Variants in MIB2 observed in about 807,000 individuals in gnomAD.
MIB2 encodes MIB E3 ubiquitin protein ligase 2, also known as E3 ubiquitin-protein ligase MIB2.
In MIB2, 78 loss-of-function variants were observed where a neutral mutation model predicts 96.6. The observed-to-expected ratio is 0.81, with a 90% confidence interval of 0.67 to 0.97. The LOEUF (loss-of-function observed/expected upper bound fraction) is 0.97, where lower values mean the gene tolerates loss of function less well. Ranked by LOEUF, MIB2 falls within the 50% of genes least tolerant of loss-of-function variation. The probability of loss-of-function intolerance (pLI) is 0.00; values close to 1 mark genes in which losing one functional copy is unlikely to be tolerated. For missense variants in MIB2, 1,543 were observed against 1,424.0 expected (o/e 1.08, Z -1.35); for synonymous variants, 820 against 629.5 (o/e 1.30, Z -4.53).
At chr1:1,629,920 C>T (rs1169376383) in intron 19 of MIB2, among the ~76,000 whole-genome samples, 5 of 146,286 alleles carry the variant, frequency 3.4e-5, no homozygotes, top group Admixed American at 6.8e-5. Context: ...AAGGTAACAC[C>T]CTCCTCCCCC....
In MIB2 at chr1:1,626,846, C is replaced by T. The variant is rs549282813; in HGVS notation, c.1087C>T (p.Arg363Cys). ...CCTCCCCTCCCCGCAGGCCCTGGGC[C>T]GCGTCGGGAAGGTGGTGAAAGTGTT... is the stretch of plus-strand genomic sequence containing the variant. ...WTDDMAPALG[R>C]VGKVVKVFGD... The change falls in exon 10 of 20, where the codon CGC (arginine) becomes TGC (cysteine). Residue 363 changes from arginine to cysteine, a missense_variant. Physicochemically the swap from Arg to Cys is radical, Grantham distance 180. Transcript: ENST00000355826. This position sits in a 1 kb window ranked among gnomAD's most constrained non-coding sequence, Gnocchi z 5.3. 3.4e-5 allele frequency: 55 copies of T among 1,602,214 alleles called. No individual in the cohort carries two copies. The South Asian group carries it at 3.8e-4, about 11-fold the overall frequency.
At position 1,628,318 on chromosome 1, in the gene MIB2, CAAG is replaced by C. The variant is rs779304407; in HGVS notation, c.1891_1893del (p.Lys631del). On this transcript the variant is annotated inframe_deletion, in exon 15 of 20. Coordinates refer to ENST00000355826, the MANE Select transcript of MIB2 (RefSeq NM_001170687.4). ...CTCGGGCGCGGCAGCTGGTGGACGCCAAGAAGGAGGACGGCTTCACGGCGCTGC... is the reference window on the plus strand; with the variant it reads ...CTCGGGCGCGGCAGCTGGTGGACGCCAAGGAGGACGGCTTCACGGCGCTGC... 6.8e-6 allele frequency: 11 copies of C among 1,612,898 alleles called. No individual in the cohort carries two copies. The highest frequency in any genetic ancestry group is 1.7e-5 in the Admixed American group (1 of 60,016).
chr1:1,623,634 G>T lies in MIB2; in HGVS notation c.182G>T (p.Arg61Leu). The T allele has an allele frequency of 3.4e-6, 5 of 1,479,628 alleles. No homozygotes were observed. Among genetic ancestry groups the T allele is most frequent in the Non-Finnish European group, 2.7e-6 (3 of 1,113,112 alleles). The allele number at this position is 1,479,628 out of a possible 1,614,324, so 91.7% of individuals were successfully genotyped here. A position where few individuals can be genotyped will look rare whatever the true frequency, so the allele number is the denominator to read the frequency against. Residue 61 changes from arginine to leucine, a missense_variant, in exon 3 of 20, where the codon CGC becomes CTC. Coordinates refer to ENST00000355826, the MANE Select transcript of MIB2 (RefSeq NM_001170687.4). ...GTCGTGCAGTGGGACCAGGGCACGC[G>T]CACCAACTACCGCGCCGGCTACCAG... ...TVVVQWDQGT[R>L]TNYRAGYQGA...
chr1:1,614,897 C>T (rs1557538676), upstream of MIB2: 2 of 153,068 alleles, frequency 1.3e-5, no homozygotes, highest in East Asian at 1.9e-4. Context: ...TGCCTGTAGT[C>T]CCAGCTGCTC....
intron 2 of MIB2, among the ~76,000 whole-genome samples, chr1:1,620,541 G>A (rs1338900060): frequency 2.7e-5 from 4 of 148,576 alleles, no homozygotes; most frequent in African/African-American, 9.9e-5. Context: ...ATCTGGTGGA[G>A]GTGGACGGCC....
chr1:1,613,834 G>A (rs180688280), upstream of MIB2: 3 of 152,370 alleles, frequency 2.0e-5, no homozygotes, highest in East Asian at 5.8e-4. Context: ...TGAGTCTCAA[G>A]GATGAGAGCA....
At chr1:1,615,450 G>A (rs539969269), upstream of MIB2, 3 of 1,511,906 alleles carry the variant, frequency 2.0e-6, no homozygotes, top group South Asian at 2.5e-5. Flanking sequence ...CCCGTGGCGG[G>A]GGCGTGGCCA....
rs1171987837 is a variant in MIB2, at chr1:1,623,671, C to T, written c.219C>T (p.Asp73=). 1 of 1,490,040 alleles carries T rather than the reference C, an allele frequency of 6.7e-7. No homozygotes were observed. Among genetic ancestry groups the T allele is most frequent in the Non-Finnish European group, 9.0e-7 (1 of 1,116,318 alleles). The allele number at this position is 1,490,040 out of a possible 1,614,324, so 92.3% of individuals were successfully genotyped here. The change falls in exon 3 of 20, where the codon GAC becomes GAT. Residue 73 remains aspartate (D), a synonymous_variant. Transcript: ENST00000355826. ...NYRAGYQGAH[D]LLLYDNAQIG... is the part of the protein sequence containing the mutation. ...GCGCCGGCTACCAGGGCGCGCACGA[C>T]CTGCTGCTGTACGACAACGCCCAGA...
rs1371652124 is a variant in MIB2 at position 1,625,327 on chromosome 1, C to T, written c.763C>T (p.Gln255Ter). Reference sequence around the variant, plus strand: ...GCAGCGCAGGGTGAGTGCTGACAGCCAGCCCTTCCAGCACGGGGACAAGGT... The same window carrying T: ...GCAGCGCAGGGTGAGTGCTGACAGCTAGCCCTTCCAGCACGGGGACAAGGT... ...ELQRRVSADSQPFQHGDKVKC... is the reference protein window; with the variant it reads ...ELQRRVSADS Residue 255 changes from glutamine to a stop codon, truncating the protein, a stop_gained, in exon 7 of 20, where the codon CAG (glutamine) becomes TAG (stop). Transcript: ENST00000355826. LOFTEE classifies it high-confidence loss of function. The surrounding 1 kb of genome is among the most constrained non-coding windows in gnomAD (Gnocchi z 5.0). 3 of 1,578,466 alleles carry T rather than the reference C, an allele frequency of 1.9e-6. No homozygotes were observed. Among genetic ancestry groups the T allele is most frequent in the African/African-American group, 2.7e-5 (2 of 74,160 alleles).
At position 1,626,774 on chromosome 1, in the gene MIB2, C is replaced by A; in HGVS notation, c.1077+20C>A. On this transcript the variant is annotated intron_variant, in intron 9 of 19. Transcript: ENST00000355826. This position sits in a 1 kb window ranked among gnomAD's most constrained non-coding sequence, Gnocchi z 5.3. ...GCCCCTGTGAGTCCCCCTGCCACCC[C>A]CGCCGCTAGCGCCGCTGCCCCCCAC... 3 of 1,568,342 alleles carry A rather than the reference C, an allele frequency of 1.9e-6. No individual in the cohort carries two copies. Among genetic ancestry groups the A allele is most frequent in the Non-Finnish European group, 2.6e-6 (3 of 1,160,228 alleles).
In MIB2 at chr1:1,626,327, C is replaced by T. The variant is rs944761069; in HGVS notation, c.973-323C>T. On this transcript the variant is annotated intron_variant, in intron 8 of 19. Coordinates refer to ENST00000355826, the MANE Select transcript of MIB2 (RefSeq NM_001170687.4). This position sits in a 1 kb window ranked among gnomAD's most constrained non-coding sequence, Gnocchi z 5.3. ...GGGGCCCCACCCCCACGCTGGCTCACGGGCCCTGGCCATGTTGCCTGCTGC... is the reference window on the plus strand; with the variant it reads ...GGGGCCCCACCCCCACGCTGGCTCATGGGCCCTGGCCATGTTGCCTGCTGC... 27 of 403,084 alleles carry T rather than the reference C, an allele frequency of 6.7e-5. No individual in the cohort carries two copies. The highest frequency in any genetic ancestry group is 4.2e-5 in the Admixed American group (1 of 23,914). 25.0% of individuals were successfully genotyped at this position (403,084 alleles called of 1,614,324 possible).
chr1:1,625,547 T>G lies in MIB2; in HGVS notation c.866T>G (p.Phe289Cys). 1 of 1,578,108 alleles carries G rather than the reference T, an allele frequency of 6.3e-7. No individual in the cohort carries two copies. The change falls in exon 8 of 20, where the codon TTT (phenylalanine) becomes TGT (cysteine). Residue 289 changes from phenylalanine (F) to cysteine (C), a missense_variant and splice_region_variant. Phe to Cys is a radical substitution (Grantham distance 205). Transcript: ENST00000355826. This position sits in a 1 kb window ranked among gnomAD's most constrained non-coding sequence, Gnocchi z 5.0. ...CCACAGCTCCATGACCCGCCACAGTTTATCGGACAGACGGGCACCGTGCAT... is the reference window on the plus strand; with the variant it reads ...CCACAGCTCCATGACCCGCCACAGTGTATCGGACAGACGGGCACCGTGCAT... ...HGGWNPRMAE[F>C]IGQTGTVHRI... is the part of the protein sequence containing the mutation.
Position 1,623,918 on chromosome 1 carries a change from A to T in MIB2, c.392A>T (p.Asp131Val), listed in dbSNP as rs1644495729. 1 of 1,611,640 alleles carries T rather than the reference A, an allele frequency of 6.2e-7. No individual in the cohort carries two copies. Among genetic ancestry groups the T allele is most frequent in the Non-Finnish European group, 8.5e-7 (1 of 1,179,280 alleles). The change falls in exon 4 of 20, where the codon GAC becomes GTC. Residue 131 changes from aspartate (D) to valine (V), a missense_variant. Transcript: ENST00000355826. ...AAGCATGAGCTCGCCCACGCCTTCG[A>T]CCGCTACGAGACCGCTCACTCGCGC... Reference protein sequence around the residue: ...HNKHELAHAFDRYETAHSRPV... With the variant: ...HNKHELAHAFVRYETAHSRPV...
In MIB2 at chr1:1,630,419, C is replaced by T; in HGVS notation, c.2757C>T (p.Ile919=). Residue 919 remains isoleucine (I), a synonymous_variant, in exon 20 of 20, where the codon ATC becomes ATT. Transcript: ENST00000355826. ...GCCCCATCTGCATCGACAGCCACAT[C>T]CGCCTCGTGTTCCAGTGCGGCCACG... ...ITCPICIDSH[I]RLVFQCGHGA... 1.3e-6 allele frequency: 2 copies of T among 1,584,100 alleles called. No individual in the cohort carries two copies. Among genetic ancestry groups the T allele is most frequent in the Non-Finnish European group, 1.7e-6 (2 of 1,167,010 alleles).
intron 16 of MIB2, 56 bp downstream of exon 16, chr1:1,628,778 T>C (rs1015423669): frequency 2.0e-5 from 27 of 1,364,776 alleles, no homozygotes; most frequent in Non-Finnish European, 2.5e-5. Context: ...GGCAGCAGGC[T>C]CTGGGCAGGG....
At chr1:1,629,004 C>T (rs1057103365) in intron 16 of MIB2, 129 bp from the exon 17 acceptor site, 9 of 1,078,632 alleles carry the variant, frequency 8.3e-6, no homozygotes, top group African/African-American at 8.3e-5. Context: ...ACTTGGGTTC[C>T]GGAAGAGGTG....
rs760936199 is a variant in MIB2, at chr1:1,625,370, C to G, written c.806C>G (p.Thr269Ser). The G allele has an allele frequency of 1.4e-5, 22 of 1,589,534 alleles. No individual in the cohort carries two copies. In the East Asian group the frequency reaches 4.1e-4, roughly 30 times the overall value. Reference sequence around the variant, plus strand: ...GACAAGGTCAAGTGTCTGCTGGACACTGATGTCCTGCGGGAGATGCAGGAA... The same window carrying G: ...GACAAGGTCAAGTGTCTGCTGGACAGTGATGTCCTGCGGGAGATGCAGGAA... ...HGDKVKCLLDTDVLREMQEGH... is the reference protein window; with the variant it reads ...HGDKVKCLLDSDVLREMQEGH... The change falls in exon 7 of 20, where the codon ACT becomes AGT. Residue 269 changes from threonine to serine, a missense_variant. By Grantham distance (58) the Thr-to-Ser change is moderately conservative. Coordinates refer to ENST00000355826, the MANE Select transcript of MIB2 (RefSeq NM_001170687.4). The surrounding 1 kb of genome is among the most constrained non-coding windows in gnomAD (Gnocchi z 5.0).
chr1:1,622,817 T>C lies in MIB2; in HGVS notation c.-22-614T>C, dbSNP rs527728075. On this transcript the variant is annotated intron_variant, in intron 2 of 19. Transcript: ENST00000355826. Reference sequence around the variant, plus strand: ...CCTGACGTGCAGGGCCCAAAGCTGGTGTCCCCCAGGAGCAGTGTCTGGGGA... The same window carrying C: ...CCTGACGTGCAGGGCCCAAAGCTGGCGTCCCCCAGGAGCAGTGTCTGGGGA... Among the ~76,000 whole-genome samples, 546 of 152,340 alleles carry C rather than the reference T, an allele frequency of 3.6e-3. 3 individuals carry two copies. Among genetic ancestry groups the C allele is most frequent in the Middle Eastern group, 0.014 (4 of 294 alleles).
rs746032678 is a variant in MIB2, at chr1:1,623,567, C to G, written c.115C>G (p.Leu39Val). 7.9e-6 allele frequency: 12 copies of G among 1,522,876 alleles called. No homozygotes were observed. Among genetic ancestry groups the G allele is most frequent in the Non-Finnish European group, 1.8e-6 (2 of 1,136,308 alleles). The allele number at this position is 1,522,876 out of a possible 1,614,324, so 94.3% of individuals were successfully genotyped here. Reference protein sequence around the residue: ...GEGGVGTVVELGRHGSPSTPD... With the variant: ...GEGGVGTVVEVGRHGSPSTPD... Reference sequence around the variant, plus strand: ...GGGCGGCGTGGGCACGGTGGTGGAGCTTGGCCGCCACGGCAGCCCCTCGAC... The same window carrying G: ...GGGCGGCGTGGGCACGGTGGTGGAGGTTGGCCGCCACGGCAGCCCCTCGAC... The change falls in exon 3 of 20, where the codon CTT becomes GTT. Residue 39 changes from leucine (L) to valine (V), a missense_variant. Leu to Val is a conservative substitution (Grantham distance 32). Coordinates refer to ENST00000355826, the MANE Select transcript of MIB2 (RefSeq NM_001170687.4).
Sources: allele counts gnomAD v4.1 joint callset (sites outside exome capture counted in the v4.1 genomes callset), GRCh38; gene constraint gnomAD v4.1.1; non-coding constraint Gnocchi (gnomAD v3.1); transcripts MANE v1.5; gene names NCBI Gene and HGNC (gene_info 2026-07-23, HGNC 2026-07-21).